The following PLA2G2F variants were observed in gnomAD, a reference collection of about 807,000 sequenced individuals.
PLA2G2F encodes group IIF secretory phospholipase A2.
A neutral mutation model predicts 15.9 loss-of-function variants in PLA2G2F; 17 were observed. The ratio of observed to expected loss-of-function variants is 1.07; its 90% confidence interval spans 0.73 to 1.60. The LOEUF is 1.60. Among genes scored for constraint, PLA2G2F ranks in the 40% most tolerant of loss-of-function variants. The pLI is 0.00. For synonymous variants in PLA2G2F, 119 were observed against 106.5 expected (o/e 1.12, Z -0.72); for missense variants, 299 against 278.2 (o/e 1.07, Z -0.53).
At position 20,146,680 on chromosome 1, in the gene PLA2G2F, A is replaced by G. The variant is rs1490582290; in HGVS notation, c.425-1510A>G. ...CAACGCTGGCTTTGCAAAGACACTC[A>G]AATCTTCTGTCATTGGGAAGGAGTC... On this transcript the variant is annotated intron_variant, in intron 4 of 4. Transcript: ENST00000375102. 2.6e-5 allele frequency among the ~76,000 whole-genome samples: 4 copies of G among 152,128 alleles called. No homozygotes were observed. In the East Asian group the frequency reaches 7.7e-4, roughly 29 times the overall value.
At chr1:20,147,228 T>C (rs1397725789) in intron 4 of PLA2G2F, among the ~76,000 whole-genome samples, 1 of 152,142 alleles carries the variant, frequency 6.6e-6, no homozygotes, top group Non-Finnish European at 1.5e-5. Flanking sequence ...ACCTACTGAA[T>C]CTGATACTTA....
At chr1:20,140,497 T>C (rs1557775039) in intron 2 of PLA2G2F, 1 of 433,930 alleles carries the variant, frequency 2.3e-6, no homozygotes. Flanking sequence ...TGTACCTGAA[T>C]GTGTACTAGT....
At position 20,148,592 on chromosome 1, in the gene PLA2G2F, A is replaced by C; in HGVS notation, c.*191A>C. On this transcript the variant is annotated 3_prime_UTR_variant, in exon 5 of 5. Coordinates refer to ENST00000375102, the MANE Select transcript of PLA2G2F (RefSeq NM_022819.4). The stretch of plus-strand genomic sequence containing the variant: ...GTCCTGACTCCCCCAGCCCAGCCCC[A>C]GGCATGGGTGCCTCCTGCTGCTGGT... 1 of 600,372 alleles carries C rather than the reference A, an allele frequency of 1.7e-6. No homozygotes were observed. Among genetic ancestry groups the C allele is most frequent in the Non-Finnish European group, 3.0e-6 (1 of 338,316 alleles). 37.2% of individuals were successfully genotyped at this position (600,372 alleles called of 1,614,324 possible).
chr1:20,144,692 G>C lies in PLA2G2F; in HGVS notation c.424+3G>C. On this transcript the variant is annotated splice_donor_region_variant and intron_variant, in intron 4 of 4. Coordinates refer to ENST00000375102, the MANE Select transcript of PLA2G2F (RefSeq NM_022819.4). ...GAACAACACTGAGATAGTCTGCAGT[G>C]AGTCCCTCCCCTGTCACCTGGGCCC... 1.3e-6 allele frequency: 2 copies of C among 1,592,820 alleles called. No homozygotes were observed. The highest frequency in any genetic ancestry group is 8.6e-7 in the Non-Finnish European group (1 of 1,167,266).
Position 20,144,318 on chromosome 1 carries a change from G to A in PLA2G2F, c.315-262G>A, listed in dbSNP as rs112988317. On this transcript the variant is annotated intron_variant, in intron 3 of 4. Transcript: ENST00000375102. Reference sequence around the variant, plus strand: ...GGGAAAGCTGGGAGCCCTGTGGATAGAACAAAGACACAGGGGAGAATGTGT... The same window carrying A: ...GGGAAAGCTGGGAGCCCTGTGGATAAAACAAAGACACAGGGGAGAATGTGT... 6.1e-3 allele frequency among the ~76,000 whole-genome samples: 925 copies of A among 152,316 alleles called. 9 individuals carry two copies. The highest frequency in any genetic ancestry group is 0.021 in the African/African-American group (882 of 41,574).
intron 4 of PLA2G2F, among the ~76,000 whole-genome samples, chr1:20,145,022 G>C (rs948090815): frequency 6.6e-6 from 1 of 152,148 alleles, no homozygotes; most frequent in African/African-American, 2.4e-5. Context: ...AAGTTGCAGT[G>C]AGCCAAGATC....
At position 20,139,392 on chromosome 1, in the gene PLA2G2F, T is replaced by C. The variant is rs1403579896; in HGVS notation, c.-36T>C. The C allele has an allele frequency of 2.7e-6, 4 of 1,502,892 alleles. No homozygotes were observed. Among genetic ancestry groups the C allele is most frequent in the Admixed American group, 2.0e-5 (1 of 50,928 alleles). 93.1% of individuals were successfully genotyped at this position (1,502,892 alleles called of 1,614,324 possible). ...CCTCTGGAGCGCATCTCAGACCTTCTGAGACCTATGTTGCTGGCCCCCCAG... is the reference window on the plus strand; with the variant it reads ...CCTCTGGAGCGCATCTCAGACCTTCCGAGACCTATGTTGCTGGCCCCCCAG... On this transcript the variant is annotated 5_prime_UTR_variant, in exon 1 of 5. Coordinates refer to ENST00000375102, the MANE Select transcript of PLA2G2F (RefSeq NM_022819.4).
At chr1:20,143,707 T>C (rs1370853518) in intron 3 of PLA2G2F, 117 bp downstream of exon 3, 1 of 1,303,258 alleles carries the variant, frequency 7.7e-7, no homozygotes, top group East Asian at 2.4e-5. Flanking sequence ...AGGATCCAGC[T>C]TCTTTGATGA....
chr1:20,141,882 T>G lies in PLA2G2F; in HGVS notation c.170-1564T>G, dbSNP rs540429901. On this transcript the variant is annotated intron_variant, in intron 2 of 4. Transcript: ENST00000375102. ...CCTGCCTGATCTCTCATGGTTTAGATTGTTACTCCCATTTTACAGATGGGA... is the reference window on the plus strand; with the variant it reads ...CCTGCCTGATCTCTCATGGTTTAGAGTGTTACTCCCATTTTACAGATGGGA... 5.3e-5 allele frequency: 8 copies of G among 152,318 alleles called. No homozygotes were observed. The East Asian group carries it at 1.5e-3, about 29-fold the overall frequency. 9.4% of individuals were successfully genotyped at this position (152,318 alleles called of 1,614,324 possible).
At position 20,149,864 on chromosome 1, in the gene PLA2G2F, A is replaced by C. The variant is rs2017697200; in HGVS notation, c.*1463A>C. The C allele has an allele frequency of 6.6e-6, 1 of 152,470 alleles. No individual in the cohort carries two copies. The highest frequency in any genetic ancestry group is 1.5e-5 in the Non-Finnish European group (1 of 68,276). The allele number at this position is 152,470 out of a possible 1,614,324, so 9.4% of individuals were successfully genotyped here. On this transcript the variant is annotated 3_prime_UTR_variant, in exon 5 of 5. Coordinates refer to ENST00000375102, the MANE Select transcript of PLA2G2F (RefSeq NM_022819.4). ...CAGCAGCCTCCACGGAGCCAGCCCC[A>C]CCTGCCCGAAAACCACTGAAGCCAC...
intron 3 of PLA2G2F, 150 bp from the exon 4 acceptor site, chr1:20,144,430 T>G: frequency 1.5e-6 from 1 of 649,128 alleles, no homozygotes; most frequent in East Asian, 2.7e-5. Flanking sequence ...TCTGCTTGGC[T>G]GTGTGACCTC....
chr1:20,148,548 A>T lies in PLA2G2F; in HGVS notation c.*147A>T. On this transcript the variant is annotated 3_prime_UTR_variant, in exon 5 of 5. Transcript: ENST00000375102. The stretch of plus-strand genomic sequence containing the variant: ...TCTCCAGTGAGGGCTCAGCTCTCAG[A>T]GGACTCAGGAAGGCCTGGGTCCTGA... 1 of 661,180 alleles carries T rather than the reference A, an allele frequency of 1.5e-6. No individual in the cohort carries two copies. The highest frequency in any genetic ancestry group is 2.6e-6 in the Non-Finnish European group (1 of 389,854). The allele number at this position is 661,180 out of a possible 1,614,324, so 41.0% of individuals were successfully genotyped here.
At chr1:20,143,704 A>T in intron 3 of PLA2G2F, 114 bp downstream of exon 3, 1 of 1,330,226 alleles carries the variant, frequency 7.5e-7, no homozygotes, top group East Asian at 2.4e-5. Flanking sequence ...CAAAGGATCC[A>T]GCTTCTTTGA....
chr1:20,148,524 C>T lies in PLA2G2F; in HGVS notation c.*123C>T, dbSNP rs554017468. ...TGCTGGTTGCCTCCTCCCTGGAGCT[C>T]TCCAGTGAGGGCTCAGCTCTCAGAG... is the stretch of plus-strand genomic sequence containing the variant. On this transcript the variant is annotated 3_prime_UTR_variant, in exon 5 of 5. Coordinates refer to ENST00000375102, the MANE Select transcript of PLA2G2F (RefSeq NM_022819.4). 393 of 762,436 alleles carry T rather than the reference C, an allele frequency of 5.2e-4. 1 individual carries two copies. In the African/African-American group the frequency reaches 6.2e-3, roughly 12 times the overall value. 47.2% of individuals were successfully genotyped at this position (762,436 alleles called of 1,614,324 possible).
rs2017678523 is a variant in PLA2G2F, at chr1:20,149,185, C to A, written c.*784C>A. ...ATCGACCCATGCACATCACCCCAAC[C>A]CTGCTCTGCCACACCACGTGGGTCT... is the stretch of plus-strand genomic sequence containing the variant. On this transcript the variant is annotated 3_prime_UTR_variant, in exon 5 of 5. Transcript: ENST00000375102. 1.3e-5 allele frequency: 2 copies of A among 152,428 alleles called. No homozygotes were observed. 9.4% of individuals were successfully genotyped at this position (152,428 alleles called of 1,614,324 possible).
chr1:20,144,146 G>C (rs902520627), intron 3 of PLA2G2F: 2 of 202,424 alleles, frequency 9.9e-6, no homozygotes, highest in Admixed American at 5.4e-5. Context: ...CATCCTACCA[G>C]TCCCTGTTGA....
intron 3 of PLA2G2F, chr1:20,144,205 G>A: frequency 4.0e-6 from 1 of 250,108 alleles, no homozygotes; most frequent in Non-Finnish European, 7.8e-6. Context: ...GCCAGGGGTG[G>A]CCTCTGCCTA....
intron 4 of PLA2G2F, among the ~76,000 whole-genome samples, chr1:20,147,037 C>A (rs1054372683): frequency 3.3e-5 from 5 of 152,182 alleles, no homozygotes; most frequent in African/African-American, 1.2e-4. Context: ...CCGTCTGATG[C>A]ATCAGCTTTC....
At chr1:20,146,316 G>T (rs57352273) in intron 4 of PLA2G2F, among the ~76,000 whole-genome samples, 1 of 152,174 alleles carries the variant, frequency 6.6e-6, no homozygotes, top group Non-Finnish European at 1.5e-5. Context: ...GGATCAGAGC[G>T]GACTCTTTCT....
Sources: gnomAD v4.1 joint callset for allele counts (sites outside exome capture counted in the v4.1 genomes callset) on GRCh38, gnomAD v4.1.1 for gene constraint, MANE v1.5 for transcripts, NCBI Gene and HGNC (gene_info 2026-07-23, HGNC 2026-07-21) for gene names.